The following SPOCK1 variants were observed in gnomAD, a reference collection of about 807,000 sequenced individuals.
SPOCK1 encodes testican-1.
A neutral mutation model predicts 55.3 loss-of-function variants in SPOCK1; 23 were observed. That is an observed-to-expected ratio of 0.42 (90% CI 0.30 to 0.59). The LOEUF (loss-of-function observed/expected upper bound fraction) is 0.59, where lower values mean the gene tolerates loss of function less well. Ranked by LOEUF, SPOCK1 falls within the 20% of genes least tolerant of loss-of-function variation. The probability of loss-of-function intolerance (pLI) is 0.22; values close to 1 mark genes in which losing one functional copy is unlikely to be tolerated. For missense variants in SPOCK1, 499 were observed against 552.5 expected (o/e 0.90, Z 0.97); for synonymous variants, 226 against 221.0 (o/e 1.02, Z -0.20).
chr5:137,253,177 CT>C, intron 3 of SPOCK1, among the ~76,000 whole-genome samples: 1 of 152,308 alleles, frequency 6.6e-6, no homozygotes, highest in South Asian at 2.1e-4. Context: ...ATTTATTCCC[CT>C]GCTTTTCTTA....
chr5:137,122,257 G>GCA (rs374324093), intron 4 of SPOCK1, among the ~76,000 whole-genome samples: 34,898 of 145,744 alleles, frequency 0.24, 4,186 homozygotes, highest in Non-Finnish European at 0.27. Context: ...ACACACACAC[G>GCA]CACACACACA....
At chr5:137,014,089 G>T (rs1751402866) in intron 6 of SPOCK1, among the ~76,000 whole-genome samples, 2 of 152,094 alleles carry the variant, frequency 1.3e-5, no homozygotes, top group Admixed American at 1.3e-4. Context: ...CTCATGGCTT[G>T]GTGCTGTCTT....
chr5:137,273,915 T>A (rs1029925571), intron 2 of SPOCK1, among the ~76,000 whole-genome samples: 9 of 152,190 alleles, frequency 5.9e-5, no homozygotes, highest in Admixed American at 5.9e-4. Flanking sequence ...CTAGGAAATA[T>A]GTAAAATGAA....
intron 3 of SPOCK1, among the ~76,000 whole-genome samples, chr5:137,236,929 A>G (rs1472346347): frequency 6.6e-6 from 1 of 152,148 alleles, no homozygotes; most frequent in East Asian, 1.9e-4. Context: ...ACAGCCCCCA[A>G]CCAATACCAT....
rs376552880 is a variant in SPOCK1 at position 137,065,992 on chromosome 5, G to T, written c.589+1723C>A. Among the ~76,000 whole-genome samples the T allele has an allele frequency of 1.8e-3, 278 of 152,238 alleles. 1 individual carries two copies. Among genetic ancestry groups the T allele is most frequent in the Admixed American group, 6.6e-3 (101 of 15,288 alleles). On this transcript the variant is annotated intron_variant, in intron 6 of 10. Transcript: ENST00000394945. ...TGAAGCCCATCATTAAGAAACAAGG[G>T]TTGTTTTTTATTTGCAAAATCATGA...
chr5:137,122,321 A>G lies in SPOCK1; in HGVS notation c.348-9760T>C, dbSNP rs180894267. Among the ~76,000 whole-genome samples the G allele has an allele frequency of 1.3e-3, 195 of 152,152 alleles. 1 individual carries two copies. Among genetic ancestry groups the G allele is most frequent in the African/African-American group, 4.2e-3 (173 of 41,522 alleles). ...CTCTGACTAAAATTCTGCTTTGCCA[A>G]GGAAAAGTGCCAAGCAGCAGTGTAA... On this transcript the variant is annotated intron_variant, in intron 4 of 10. Transcript: ENST00000394945.
chr5:137,006,490 G>T (rs935175391), intron 6 of SPOCK1, among the ~76,000 whole-genome samples: 1 of 152,120 alleles, frequency 6.6e-6, no homozygotes, highest in Non-Finnish European at 1.5e-5. Context: ...GTTTGCTCAT[G>T]ATTTGGTTCT....
At chr5:137,246,822 A>G (rs1005347612) in intron 3 of SPOCK1, among the ~76,000 whole-genome samples, 15 of 149,008 alleles carry the variant, frequency 1.0e-4, no homozygotes, top group African/African-American at 3.6e-4. Flanking sequence ...AAACAAGCTG[A>G]AAATCACAGA....
chr5:137,317,779 AC>A (rs913063000), intron 2 of SPOCK1, among the ~76,000 whole-genome samples: 3 of 152,176 alleles, frequency 2.0e-5, no homozygotes, highest in Non-Finnish European at 4.4e-5. Flanking sequence ...GAATTCACTA[AC>A]CATAATCTAC....
At chr5:137,327,369 GGTTT>G (rs1423593241) in intron 2 of SPOCK1, among the ~76,000 whole-genome samples, 1 of 152,124 alleles carries the variant, frequency 6.6e-6, no homozygotes, top group Non-Finnish European at 1.5e-5. Flanking sequence ...AAAAAATACA[GGTTT>G]ATTTTTATAA....
At chr5:137,289,939 G>T (rs562014284) in intron 2 of SPOCK1, among the ~76,000 whole-genome samples, 5 of 152,186 alleles carry the variant, frequency 3.3e-5, no homozygotes, top group South Asian at 2.1e-4. Context: ...AAAGATAATG[G>T]CCATACCGAG....
intron 3 of SPOCK1, among the ~76,000 whole-genome samples, chr5:137,171,795 G>A (rs1754759074): frequency 6.6e-6 from 1 of 152,198 alleles, no homozygotes; most frequent in Admixed American, 6.5e-5. Flanking sequence ...AGAAACTGAT[G>A]CTAGTGTGAA....
chr5:137,171,990 C>T (rs57296288), intron 3 of SPOCK1, among the ~76,000 whole-genome samples: 7,388 of 152,240 alleles, frequency 0.049, 332 homozygotes, highest in East Asian at 0.14. Context: ...CCTCTGTGGC[C>T]AGTGAATGGC....
chr5:137,273,408 G>A, intron 2 of SPOCK1: 1 of 981,492 alleles, frequency 1.0e-6, no homozygotes, highest in Non-Finnish European at 1.2e-6. Flanking sequence ...CATTATAAAT[G>A]AGAAAAAAAT....
intron 3 of SPOCK1, among the ~76,000 whole-genome samples, chr5:137,248,024 A>G (rs1756430948): frequency 6.6e-6 from 1 of 152,200 alleles, no homozygotes; most frequent in South Asian, 2.1e-4. Context: ...TATCTAAAAT[A>G]TAGCAGTTTT....
chr5:136,993,591 A>G (rs1750989395), intron 6 of SPOCK1, among the ~76,000 whole-genome samples: 1 of 152,226 alleles, frequency 6.6e-6, no homozygotes, highest in Admixed American at 6.5e-5. Flanking sequence ...GGGGGCAAAG[A>G]ACAGAGCCCC....
intron 3 of SPOCK1, among the ~76,000 whole-genome samples, chr5:137,166,251 G>A (rs1261069703): frequency 2.0e-5 from 3 of 152,128 alleles, no homozygotes; most frequent in East Asian, 1.9e-4. Flanking sequence ...TAGGCCAGGA[G>A]AGAATGGCAT....
chr5:137,294,061 T>A (rs1027530945), intron 2 of SPOCK1, among the ~76,000 whole-genome samples: 6 of 152,186 alleles, frequency 3.9e-5, no homozygotes, highest in African/African-American at 1.4e-4. Context: ...CCCAAAACAG[T>A]AGCCACTGGG....
chr5:137,498,614 C>G, intron 1 of SPOCK1, 56 bp from the exon 2 acceptor site: 3 of 1,243,762 alleles, frequency 2.4e-6, no homozygotes, highest in Non-Finnish European at 3.0e-6. Context: ...CCGCGAGCCC[C>G]GGGCACCCAG....
Sources: allele counts gnomAD v4.1 joint callset (sites outside exome capture counted in the v4.1 genomes callset), GRCh38; gene constraint gnomAD v4.1.1; transcripts MANE v1.5; gene names NCBI Gene and HGNC (gene_info 2026-07-23, HGNC 2026-07-21).